Variants in CMTR1 observed in about 807,000 individuals in gnomAD.
CMTR1 encodes cap methyltransferase 1.
In CMTR1, 39 loss-of-function variants were observed where a neutral mutation model predicts 107.0. The ratio of observed to expected loss-of-function variants is 0.36; its 90% CI spans 0.28 to 0.48. The LOEUF (loss-of-function observed/expected upper bound fraction) is 0.48, where lower values mean the gene tolerates loss of function less well. Among genes scored for constraint, CMTR1 ranks in the 20% least tolerant of loss-of-function variants. CMTR1 has a pLI of 0.99. For missense variants in CMTR1, 672 were observed against 1,064.9 expected (o/e 0.63, Z 5.14); for synonymous variants, 366 against 379.5 (o/e 0.96, Z 0.41).
At chr6:37,460,061 G>A (rs1292436808) in intron 10 of CMTR1, among the ~76,000 whole-genome samples, 2 of 152,156 alleles carry the variant, frequency 1.3e-5, no homozygotes, top group South Asian at 2.1e-4. Flanking sequence ...CTTGTCTATG[G>A]GCAGCTGCTT....
Position 37,444,013 on chromosome 6 carries a change from C to G in CMTR1, c.148C>G (p.Leu50Val), listed in dbSNP as rs761896561. The stretch of plus-strand genomic sequence containing the variant: ...TTCTTTTTCAGCATCTACTACAAGC[C>G]TTAGTGGGTCTGATAGTGAGACCGA... ...SHGAKASTTS[L>V]SGSDSETEGK... is the part of the protein sequence containing the mutation. Residue 50 changes from leucine to valine, a missense_variant, in exon 3 of 24, where the codon CTT becomes GTT. Leu to Val is a conservative substitution (Grantham distance 32, BLOSUM62 1). Coordinates refer to ENST00000373451, the MANE Select transcript of CMTR1 (RefSeq NM_015050.3). 1.1e-5 allele frequency: 17 copies of G among 1,613,914 alleles called. No homozygotes were observed. The highest frequency in any genetic ancestry group is 1.3e-5 in the African/African-American group (1 of 74,888).
intron 12 of CMTR1, among the ~76,000 whole-genome samples, chr6:37,462,604 C>G (rs550232012): frequency 1.3e-5 from 2 of 152,308 alleles, no homozygotes; most frequent in Admixed American, 1.3e-4. Flanking sequence ...CCGTCTGTCA[C>G]AGGGAAGTTA....
In CMTR1 at chr6:37,472,599, A is replaced by C. The variant is rs1581752050; in HGVS notation, c.1689+112A>C. 2.8e-6 allele frequency: 3 copies of C among 1,081,536 alleles called. No homozygotes were observed. The highest frequency in any genetic ancestry group is 4.3e-6 in the Non-Finnish European group (3 of 705,302). 67.0% of individuals were successfully genotyped at this position (1,081,536 alleles called of 1,614,324 possible). A position where few individuals can be genotyped will look rare whatever the true frequency, so the allele number is the denominator to read the frequency against. ...CTCCAGAGGGCTTGTGCAGATGCCC[A>C]CCATGGGCTCTAAGGGGCGGAGCTA... On this transcript the variant is annotated intron_variant, in intron 16 of 23. Transcript: ENST00000373451. This position sits in a 1 kb window ranked among gnomAD's most constrained non-coding sequence, Gnocchi z 4.1.
At position 37,462,763 on chromosome 6, in the gene CMTR1, TGGG is replaced by T. The variant is rs568155300; in HGVS notation, c.1326-63_1326-61del. ...TAAGCTTTGTGATTCCACAAGGGGTTGGGGGAAAAGGAATGTATGGGGAGGAAG... is the reference window on the plus strand; with the variant it reads ...TAAGCTTTGTGATTCCACAAGGGGTTGGAAAAGGAATGTATGGGGAGGAAG... On this transcript the variant is annotated intron_variant, in intron 12 of 23. Coordinates refer to ENST00000373451, the MANE Select transcript of CMTR1 (RefSeq NM_015050.3). The T allele has an allele frequency of 5.4e-4, 810 of 1,491,178 alleles. 6 individuals carry two copies. The African/African-American group carries it at 1.0e-2, about 18-fold the overall frequency. The allele number at this position is 1,491,178 out of a possible 1,614,324, so 92.4% of individuals were successfully genotyped here.
At position 37,481,121 on chromosome 6, in the gene CMTR1, G is replaced by A. The variant is rs1761845853; in HGVS notation, c.*976G>A. On this transcript the variant is annotated 3_prime_UTR_variant, in exon 24 of 24. Coordinates refer to ENST00000373451, the MANE Select transcript of CMTR1 (RefSeq NM_015050.3). ...TCCCTTCCTTTTTCTTCCCTAATAGGAGGTACAATCTGCTTTTGTTTGTCG... is the reference window on the plus strand; with the variant it reads ...TCCCTTCCTTTTTCTTCCCTAATAGAAGGTACAATCTGCTTTTGTTTGTCG... 3 of 1,304,022 alleles carry A rather than the reference G, an allele frequency of 2.3e-6. No individual in the cohort carries two copies. The highest frequency in any genetic ancestry group is 3.0e-5 in the African/African-American group (2 of 65,780). 80.8% of individuals were successfully genotyped at this position (1,304,022 alleles called of 1,614,324 possible).
chr6:37,451,188 C>G (rs1761159841), intron 5 of CMTR1, among the ~76,000 whole-genome samples: 1 of 151,856 alleles, frequency 6.6e-6, no homozygotes. Flanking sequence ...TATTTGAATT[C>G]TAGATAATAG....
At chr6:37,424,311 C>T in the CMTR1 span, among the ~76,000 whole-genome samples, 5 of 151,042 alleles carry the variant, frequency 3.3e-5, no homozygotes, top group African/African-American at 1.2e-4. Context: ...GGTGGGATCT[C>T]AGCTCACTGC....
At chr6:37,428,008 C>CAGAGACAGAG in the CMTR1 span, among the ~76,000 whole-genome samples, 1 of 114,860 alleles carries the variant, frequency 8.7e-6, no homozygotes, top group Non-Finnish European at 1.8e-5. Context: ...GCAACAGAGA[C>CAGAGACAGAG]AGAGAGAGAG....
At chr6:37,479,875 C>T (rs577377800) in intron 23 of CMTR1, 138 bp from the exon 24 acceptor site, 38 of 824,432 alleles carry the variant, frequency 4.6e-5, no homozygotes, top group South Asian at 3.1e-4. Context: ...TAGGGCCTAC[C>T]GGGTACCTTT....
chr6:37,457,171 T>C (rs1303321561), intron 8 of CMTR1, among the ~76,000 whole-genome samples: 1 of 150,306 alleles, frequency 6.7e-6, no homozygotes, highest in Non-Finnish European at 1.5e-5. Context: ...AGTAAGCTAT[T>C]ATTGTACCAC....
At chr6:37,451,718 C>T (rs529452672) in intron 5 of CMTR1, 88 bp from the exon 6 acceptor site, 4 of 943,078 alleles carry the variant, frequency 4.2e-6, no homozygotes, top group East Asian at 4.9e-5. Flanking sequence ...CCTTCTTGCT[C>T]TACTTACTTG....
the CMTR1 span, among the ~76,000 whole-genome samples, chr6:37,428,055 A>AGAGG: frequency 7.7e-5 from 11 of 142,788 alleles, no homozygotes; most frequent in South Asian, 1.7e-3. Flanking sequence ...AGAGAGAGAG[A>AGAGG]GAGAGAAACT....
upstream of CMTR1, among the ~76,000 whole-genome samples, chr6:37,432,755 T>C (rs1021505716): frequency 6.6e-6 from 1 of 152,190 alleles, no homozygotes; most frequent in East Asian, 1.9e-4. Flanking sequence ...AGGTTTGAGA[T>C]GGAGAGCCAA....
intron 2 of CMTR1, among the ~76,000 whole-genome samples, chr6:37,439,894 A>C (rs1486817669): frequency 6.6e-6 from 1 of 151,932 alleles, no homozygotes; most frequent in Non-Finnish European, 1.5e-5. Flanking sequence ...TGATCTTCCT[A>C]CCTCAGCCTC....
the CMTR1 span, among the ~76,000 whole-genome samples, chr6:37,426,420 C>T: frequency 6.6e-6 from 1 of 152,116 alleles, no homozygotes; most frequent in Admixed American, 6.5e-5. Flanking sequence ...CTTCACCTTC[C>T]CCAGGACTTG....
chr6:37,474,734 G>T (rs1761703390), intron 18 of CMTR1, 88 bp downstream of exon 18: 5 of 1,560,514 alleles, frequency 3.2e-6, no homozygotes. Flanking sequence ...AGTTAACTTG[G>T]TTACATTGTG....
chr6:37,475,992 G>A, intron 19 of CMTR1, 134 bp from the exon 20 acceptor site: 1 of 805,144 alleles, frequency 1.2e-6, no homozygotes, highest in Non-Finnish European at 2.1e-6. Flanking sequence ...GGGGGACATG[G>A]GTGCTGCCTC....
At chr6:37,466,203 C>T (rs565457376) in intron 13 of CMTR1, among the ~76,000 whole-genome samples, 1 of 150,546 alleles carries the variant, frequency 6.6e-6, no homozygotes, top group South Asian at 2.1e-4. Flanking sequence ...ACCTCTGCCT[C>T]CCGGGTTCAA....
chr6:37,480,224 T>G lies in CMTR1; in HGVS notation c.*79T>G. ...CCACCTGGGGCCCACAGTGCTGGCT[T>G]CTTCCCCCTCTTGAAAAGGGACTGG... On this transcript the variant is annotated 3_prime_UTR_variant, in exon 24 of 24. Transcript: ENST00000373451. 1 of 1,559,142 alleles carries G rather than the reference T, an allele frequency of 6.4e-7. No individual in the cohort carries two copies. The highest frequency in any genetic ancestry group is 8.6e-7 in the Non-Finnish European group (1 of 1,163,458).
Sources: gnomAD v4.1 joint callset for allele counts (sites outside exome capture counted in the v4.1 genomes callset) on GRCh38, gnomAD v4.1.1 for gene constraint, Gnocchi (gnomAD v3.1) non-coding constraint, MANE v1.5 for transcripts, NCBI Gene and HGNC (gene_info 2026-07-23, HGNC 2026-07-21) for gene names.